RUNX2: variants seen among roughly 807,000 people sequenced by gnomAD.
The protein encoded by RUNX2 is RUNX family transcription factor 2, also known as runt-related transcription factor 2.
In RUNX2, 10 loss-of-function variants were observed where a neutral mutation model predicts 51.7. The observed-to-expected ratio is 0.19, with a 90% CI of 0.12 to 0.33. The LOEUF is 0.33. Among genes scored for constraint, RUNX2 ranks in the 10% least tolerant of loss-of-function variants. The probability of loss-of-function intolerance (pLI) is 1.00; values close to 1 mark genes in which losing one functional copy is unlikely to be tolerated. For missense variants in RUNX2, 562 were observed against 691.3 expected (o/e 0.81, Z 2.10); for synonymous variants, 276 against 273.6 (o/e 1.01, Z -0.09).
chr6:45,465,201 T>C (rs551123454), intron 5 of RUNX2, among the ~76,000 whole-genome samples: 33 of 152,322 alleles, frequency 2.2e-4, no homozygotes, highest in Admixed American at 6.5e-4. Context: ...CCATTTCTTG[T>C]AGGCATTCCA....
chr6:45,518,054 A>G (rs972661422), intron 7 of RUNX2, among the ~76,000 whole-genome samples: 3 of 152,252 alleles, frequency 2.0e-5, no homozygotes, highest in African/African-American at 7.2e-5. Context: ...TCAGCAATTA[A>G]TACTAATAAA....
intron 5 of RUNX2, among the ~76,000 whole-genome samples, chr6:45,485,384 T>G (rs2150402710): frequency 6.6e-6 from 1 of 151,764 alleles, no homozygotes; most frequent in Non-Finnish European, 1.5e-5. Flanking sequence ...ATATTTTTAG[T>G]AGAAACGGGG....
At chr6:45,522,598 G>A (rs542955333) in intron 7 of RUNX2, among the ~76,000 whole-genome samples, 1 of 152,302 alleles carries the variant, frequency 6.6e-6, no homozygotes, top group Non-Finnish European at 1.5e-5. Context: ...TTCCCAGCTA[G>A]ACTGAAAGCT....
At chr6:45,471,159 A>T (rs893637572) in intron 5 of RUNX2, among the ~76,000 whole-genome samples, 2 of 152,140 alleles carry the variant, frequency 1.3e-5, no homozygotes, top group Non-Finnish European at 2.9e-5. Flanking sequence ...CATTCTTTTT[A>T]GCAAAGGTGC....
At chr6:45,402,125 A>G (rs987190390) in intron 2 of RUNX2, among the ~76,000 whole-genome samples, 1 of 152,216 alleles carries the variant, frequency 6.6e-6, no homozygotes, top group African/African-American at 2.4e-5. Flanking sequence ...TCTCTCCACA[A>G]ATTTTCTTTG....
chr6:45,367,404 A>G (rs980044094), intron 2 of RUNX2, among the ~76,000 whole-genome samples: 1 of 152,134 alleles, frequency 6.6e-6, no homozygotes, highest in African/African-American at 2.4e-5. Flanking sequence ...TGGAATAAGT[A>G]CTTTTCTCTA....
At chr6:45,403,229 C>CTTTT (rs201142802) in intron 2 of RUNX2, among the ~76,000 whole-genome samples, 203 of 108,742 alleles carry the variant, frequency 1.9e-3, no homozygotes, top group South Asian at 3.1e-3. Context: ...GTTTGAGTTT[C>CTTTT]TTTTTTTTTT....
chr6:45,378,047 C>T (rs1384687258), intron 2 of RUNX2: 1 of 152,086 alleles, frequency 6.6e-6, no homozygotes, highest in African/African-American at 2.4e-5. Flanking sequence ...GCAGTGCGGG[C>T]GCATGCGCGC....
intron 2 of RUNX2, among the ~76,000 whole-genome samples, chr6:45,417,826 T>C (rs746214572): frequency 2.6e-5 from 4 of 152,378 alleles, no homozygotes; most frequent in Non-Finnish European, 5.9e-5. Flanking sequence ...TCATGTACTA[T>C]GAATATTATT....
chr6:45,392,240 C>T (rs904073034), intron 2 of RUNX2, among the ~76,000 whole-genome samples: 1 of 152,212 alleles, frequency 6.6e-6, no homozygotes, highest in Non-Finnish European at 1.5e-5. Context: ...CATATTGGCT[C>T]ATGCCTGTAA....
At chr6:45,383,143 A>G (rs1240589028) in intron 2 of RUNX2, among the ~76,000 whole-genome samples, 1 of 152,184 alleles carries the variant, frequency 6.6e-6, no homozygotes, top group Non-Finnish European at 1.5e-5. Context: ...TCAAAAATAA[A>G]TAAGTTCTGG....
chr6:45,379,632 C>T (rs1797182015), intron 2 of RUNX2, among the ~76,000 whole-genome samples: 1 of 151,946 alleles, frequency 6.6e-6, no homozygotes, highest in African/African-American at 2.4e-5. Context: ...TTTGGGAGGC[C>T]GAGACGGGCA....
At chr6:45,533,148 G>T (rs1486941991) in intron 7 of RUNX2, among the ~76,000 whole-genome samples, 3 of 152,036 alleles carry the variant, frequency 2.0e-5, no homozygotes, top group Non-Finnish European at 4.4e-5. Flanking sequence ...GTGTGTGTGT[G>T]TGTGTGTGTG....
chr6:45,387,935 G>A (rs936070994), intron 2 of RUNX2, among the ~76,000 whole-genome samples: 2 of 152,226 alleles, frequency 1.3e-5, no homozygotes, highest in African/African-American at 4.8e-5. Context: ...GACTTGGAAA[G>A]TCCTATAAGT....
At chr6:45,419,694 G>A (rs1373716878) in intron 2 of RUNX2, among the ~76,000 whole-genome samples, 1 of 152,204 alleles carries the variant, frequency 6.6e-6, no homozygotes. Flanking sequence ...CCCTGTGACC[G>A]AAAAGATAAT....
chr6:45,372,763 A>G (rs1796261200), intron 2 of RUNX2, among the ~76,000 whole-genome samples: 1 of 151,960 alleles, frequency 6.6e-6, no homozygotes, highest in Admixed American at 6.6e-5. Flanking sequence ...GGCTCAAGCA[A>G]TCCTCCCACC....
chr6:45,402,249 A>G (rs1392509737), intron 2 of RUNX2, among the ~76,000 whole-genome samples: 2 of 152,204 alleles, frequency 1.3e-5, no homozygotes, highest in African/African-American at 2.4e-5. Flanking sequence ...TAAAACAATG[A>G]TTCCCTTAGC....
intron 2 of RUNX2, among the ~76,000 whole-genome samples, chr6:45,348,101 C>G (rs752204099): frequency 6.6e-6 from 1 of 151,718 alleles, no homozygotes; most frequent in Non-Finnish European, 1.5e-5. Context: ...ATAGTTTTTA[C>G]GTTAAAAGCA....
chr6:45,530,947 A>C (rs1337156921), intron 7 of RUNX2, among the ~76,000 whole-genome samples: 1 of 152,250 alleles, frequency 6.6e-6, no homozygotes, highest in Non-Finnish European at 1.5e-5. Context: ...ATACTTAGAT[A>C]GTGCTTTACA....
Sources: allele counts gnomAD v4.1 joint callset (sites outside exome capture counted in the v4.1 genomes callset), GRCh38; gene constraint gnomAD v4.1.1; transcripts MANE v1.5; gene names NCBI Gene and HGNC (gene_info 2026-07-23, HGNC 2026-07-21).